The following BICRAL variants were observed in gnomAD, a reference collection of about 807,000 sequenced individuals.
BICRAL encodes the protein BICRA like chromatin remodeling complex associated protein, also known as BRD4-interacting chromatin-remodeling complex-associated protein-like.
Under a neutral mutation model 91.8 loss-of-function variants are expected in BICRAL, and 8 were observed. The observed-to-expected ratio is 0.09, with a 90% CI of 0.05 to 0.16. The LOEUF is 0.16. BICRAL is among the 10% of genes least tolerant of loss of function. BICRAL has a pLI of 1.00. For synonymous variants in BICRAL, 445 were observed against 491.1 expected (o/e 0.91, Z 1.24); for missense variants, 1,038 against 1,310.9 (o/e 0.79, Z 3.21).
At chr6:42,806,472 C>T (rs939600249) in intron 1 of BICRAL, among the ~76,000 whole-genome samples, 6 of 151,734 alleles carry the variant, frequency 4.0e-5, no homozygotes, top group Non-Finnish European at 8.8e-5. Flanking sequence ...TCAGCCTCCC[C>T]AGTAGCTGGG....
intron 1 of BICRAL, among the ~76,000 whole-genome samples, chr6:42,800,524 T>A (rs1763534867): frequency 6.6e-6 from 1 of 151,660 alleles, no homozygotes; most frequent in South Asian, 2.1e-4. Context: ...AGAAACTGAT[T>A]TTGTCCACAC....
At chr6:42,853,379 A>C (rs560798031) in intron 7 of BICRAL, among the ~76,000 whole-genome samples, 1 of 152,196 alleles carries the variant, frequency 6.6e-6, no homozygotes, top group African/African-American at 2.4e-5. Flanking sequence ...CAGACTATAA[A>C]TAATTTGAAA....
intron 6 of BICRAL, among the ~76,000 whole-genome samples, chr6:42,832,680 A>G (rs1764524241): frequency 6.6e-6 from 1 of 151,410 alleles, no homozygotes; most frequent in African/African-American, 2.4e-5. Flanking sequence ...TATACCCTTC[A>G]CCAAGATTCC....
intron 5 of BICRAL, among the ~76,000 whole-genome samples, chr6:42,824,011 G>A (rs900348719): frequency 6.6e-6 from 1 of 152,110 alleles, no homozygotes; most frequent in African/African-American, 2.4e-5. Context: ...GCCGAGGCAG[G>A]CAGATCATGA....
intron 1 of BICRAL, among the ~76,000 whole-genome samples, chr6:42,806,550 CT>C (rs1763714629): frequency 1.4e-5 from 2 of 143,988 alleles, no homozygotes; most frequent in Non-Finnish European, 3.0e-5. Context: ...TCTTACTCTT[CT>C]GGCCAGGCTG....
chr6:42,775,133 A>G (rs1357199990), intron 1 of BICRAL, among the ~76,000 whole-genome samples: 1 of 152,162 alleles, frequency 6.6e-6, no homozygotes, highest in Non-Finnish European at 1.5e-5. Flanking sequence ...GGGTTTCACC[A>G]TGTTGGCCAG....
chr6:42,835,560 A>C (rs1200935536), intron 6 of BICRAL, among the ~76,000 whole-genome samples: 2 of 152,198 alleles, frequency 1.3e-5, no homozygotes, highest in African/African-American at 4.8e-5. Context: ...AAAAAAAAAA[A>C]AAACTATTAA....
At chr6:42,793,811 C>T (rs1029164069) in intron 1 of BICRAL, among the ~76,000 whole-genome samples, 4 of 143,888 alleles carry the variant, frequency 2.8e-5, no homozygotes, top group South Asian at 2.3e-4. Context: ...CTCTGTTGCC[C>T]GGGCTGGAGT....
intron 6 of BICRAL, among the ~76,000 whole-genome samples, chr6:42,849,210 G>A (rs112517348): frequency 0.015 from 2,286 of 151,992 alleles, 52 homozygotes; most frequent in African/African-American, 0.051. Context: ...CATCAGCACC[G>A]CCAAGTAGCT....
upstream of BICRAL, among the ~76,000 whole-genome samples, chr6:42,777,181 A>G (rs114573573): frequency 9.9e-3 from 1,514 of 152,366 alleles, 4 homozygotes; most frequent in Middle Eastern, 0.027. Flanking sequence ...AACCTGACAC[A>G]TAACTAAAAT....
At chr6:42,843,010 C>T (rs542781364) in intron 6 of BICRAL, among the ~76,000 whole-genome samples, 6 of 152,186 alleles carry the variant, frequency 3.9e-5, no homozygotes, top group Non-Finnish European at 7.4e-5. Context: ...CCCACCATCA[C>T]ACCCATTTAA....
intron 1 of BICRAL, among the ~76,000 whole-genome samples, chr6:42,758,790 C>A (rs1266749753): frequency 6.6e-6 from 1 of 151,528 alleles, no homozygotes; most frequent in East Asian, 1.9e-4. Flanking sequence ...CATATTCATT[C>A]TTTCTTTCTG....
In BICRAL at chr6:42,829,104, A is replaced by G. The variant is rs776880847; in HGVS notation, c.771A>G (p.Arg257=). The change falls in exon 6 of 13, where the codon AGA becomes AGG. Residue 257 remains arginine (R), a synonymous_variant. Coordinates refer to ENST00000314073, the MANE Select transcript of BICRAL (RefSeq NM_001393499.1). ...TGAGTGGAGGGCTCCTGGTTCATAG[A>G]CAGACTCCTAATGGCAACTCCTTGT... ...SNVSGGLLVH[R]QTPNGNSLFG... is the part of the protein sequence containing the mutation. 1.2e-6 allele frequency: 2 copies of G among 1,614,024 alleles called. No individual in the cohort carries two copies. The highest frequency in any genetic ancestry group is 1.3e-5 in the African/African-American group (1 of 74,920).
At chr6:42,830,225 G>C (rs753620351) in intron 6 of BICRAL, 53 bp downstream of exon 6, 1 of 1,560,104 alleles carries the variant, frequency 6.4e-7, no homozygotes, top group Non-Finnish European at 8.7e-7. Flanking sequence ...GGAAAAATGA[G>C]ATGTGTATTT....
intron 1 of BICRAL, among the ~76,000 whole-genome samples, chr6:42,797,455 T>C (rs1763446585): frequency 6.6e-6 from 1 of 152,080 alleles, no homozygotes; most frequent in African/African-American, 2.4e-5. Flanking sequence ...AAAGTTATAG[T>C]CAATAACAGC....
chr6:42,789,143 G>A (rs897512248), intron 1 of BICRAL, among the ~76,000 whole-genome samples: 80 of 152,266 alleles, frequency 5.3e-4, no homozygotes, highest in African/African-American at 1.6e-3. Context: ...GTTAATGGGC[G>A]CAGAGTTTCA....
intron 5 of BICRAL, among the ~76,000 whole-genome samples, chr6:42,827,912 T>C (rs149922143): frequency 6.6e-6 from 1 of 152,044 alleles, no homozygotes; most frequent in African/African-American, 2.4e-5. Context: ...ATAAAGTCTG[T>C]GGCAGTATCT....
chr6:42,751,865 C>T (rs1014743605), intron 1 of BICRAL, among the ~76,000 whole-genome samples: 3 of 151,862 alleles, frequency 2.0e-5, no homozygotes, highest in African/African-American at 7.3e-5. Flanking sequence ...CCATGTTGGT[C>T]AGGCTGGTCT....
chr6:42,857,600 T>TAAAAAAAAAAAAAAAA (rs748078737), intron 10 of BICRAL, among the ~76,000 whole-genome samples: 4 of 101,326 alleles, frequency 3.9e-5, no homozygotes, highest in African/African-American at 2.0e-4. Context: ...CACTGTCTCT[T>TAAAAAAAAAAAAAAAA]AAAAAAAAAA....
Sources: allele counts gnomAD v4.1 joint callset (sites outside exome capture counted in the v4.1 genomes callset), GRCh38; gene constraint gnomAD v4.1.1; transcripts MANE v1.5; gene names NCBI Gene and HGNC (gene_info 2026-07-23, HGNC 2026-07-21).